The following ST6GALNAC5 variants were observed in gnomAD, a reference collection of about 807,000 sequenced individuals.
ST6GALNAC5 encodes ST6 N-acetylgalactosaminide alpha-2,6-sialyltransferase 5, also known as alpha-N-acetylgalactosaminide alpha-2,6-sialyltransferase 5.
Under a neutral mutation model 33.6 loss-of-function variants are expected in ST6GALNAC5, and 27 were observed. The ratio of observed to expected loss-of-function variants is 0.80; its 90% CI spans 0.59 to 1.11. ST6GALNAC5 has a LOEUF of 1.11. ST6GALNAC5 is among the 50% of genes least tolerant of loss of function. The pLI is 0.00. For missense variants in ST6GALNAC5, 428 were observed against 454.0 expected, an observed-to-expected ratio of 0.94 and a Z score of 0.52; for synonymous variants, 194 against 171.2, an observed-to-expected ratio of 1.13 and a Z score of -1.04.
intron 2 of ST6GALNAC5, among the ~76,000 whole-genome samples, chr1:76,963,047 A>G (rs532242616): frequency 1.3e-5 from 2 of 152,266 alleles, no homozygotes; most frequent in East Asian, 1.9e-4. Context: ...AAATTTGTGC[A>G]TAGGATTACC....
At chr1:76,894,444 G>A (rs1009519194) in intron 2 of ST6GALNAC5, among the ~76,000 whole-genome samples, 3 of 151,950 alleles carry the variant, frequency 2.0e-5, no homozygotes, top group Admixed American at 1.3e-4. Context: ...ATGATGTCAG[G>A]TAGCATGGGA....
At chr1:77,003,923 C>A (rs1418879913) in intron 2 of ST6GALNAC5, among the ~76,000 whole-genome samples, 1 of 132,904 alleles carries the variant, frequency 7.5e-6, no homozygotes, top group African/African-American at 2.8e-5. Context: ...CTGCCCTTAA[C>A]ATTTTTTCCT....
intron 2 of ST6GALNAC5, among the ~76,000 whole-genome samples, chr1:76,875,241 T>C (rs1039663154): frequency 5.9e-5 from 9 of 152,162 alleles, no homozygotes; most frequent in African/African-American, 1.9e-4. Context: ...CAGCAGGTCA[T>C]GGTTTTTTTT....
At chr1:77,047,353 G>A (rs1199549207) in intron 3 of ST6GALNAC5, among the ~76,000 whole-genome samples, 1 of 152,204 alleles carries the variant, frequency 6.6e-6, no homozygotes, top group Non-Finnish European at 1.5e-5. Context: ...AAAACATTTA[G>A]GGTGTAATGG....
At chr1:76,978,680 G>A (rs184495664) in intron 2 of ST6GALNAC5, among the ~76,000 whole-genome samples, 1 of 152,274 alleles carries the variant, frequency 6.6e-6, no homozygotes, top group African/African-American at 2.4e-5. Flanking sequence ...ATACTGAACA[G>A]GGAAAAATTG....
At chr1:77,018,047 C>T (rs1253886125) in intron 2 of ST6GALNAC5, among the ~76,000 whole-genome samples, 1 of 152,108 alleles carries the variant, frequency 6.6e-6, no homozygotes, top group Non-Finnish European at 1.5e-5. Flanking sequence ...CATCAGAGAT[C>T]CTTCATTGGC....
intron 2 of ST6GALNAC5, among the ~76,000 whole-genome samples, chr1:76,986,052 C>T (rs540214125): frequency 1.3e-5 from 2 of 152,234 alleles, no homozygotes; most frequent in East Asian, 3.9e-4. Flanking sequence ...ACCATAAAAA[C>T]CCTAGAAGAA....
At chr1:76,937,195 A>C (rs984132780) in intron 2 of ST6GALNAC5, among the ~76,000 whole-genome samples, 1 of 151,956 alleles carries the variant, frequency 6.6e-6, no homozygotes, top group Admixed American at 6.6e-5. Flanking sequence ...TGTGAAATGC[A>C]AGCCCTAAAC....
intron 3 of ST6GALNAC5, among the ~76,000 whole-genome samples, chr1:77,048,947 C>CG (rs76014444): frequency 0.38 from 58,136 of 151,946 alleles, 11,869 homozygotes; most frequent in African/African-American, 0.52. Flanking sequence ...ATTCAGCCCA[C>CG]TTATTCCCAT....
intron 2 of ST6GALNAC5, among the ~76,000 whole-genome samples, chr1:76,924,491 A>T (rs558263790): frequency 9.0e-4 from 137 of 152,292 alleles, no homozygotes; most frequent in African/African-American, 3.1e-3. Context: ...TTAATGGAGG[A>T]TACCAAGGCA....
intron 2 of ST6GALNAC5, among the ~76,000 whole-genome samples, chr1:76,942,213 C>T (rs910474773): frequency 2.0e-5 from 3 of 152,082 alleles, no homozygotes; most frequent in Admixed American, 2.0e-4. Flanking sequence ...TGTCTTCTAA[C>T]CTGTAACATA....
intron 2 of ST6GALNAC5, among the ~76,000 whole-genome samples, chr1:76,986,883 T>C (rs1043146768): frequency 6.6e-6 from 1 of 152,164 alleles, no homozygotes; most frequent in African/African-American, 2.4e-5. Context: ...TGGATGTGAC[T>C]GGAAACCATC....
chr1:76,950,211 C>T (rs1014895508), intron 2 of ST6GALNAC5, among the ~76,000 whole-genome samples: 1 of 152,166 alleles, frequency 6.6e-6, no homozygotes, highest in African/African-American at 2.4e-5. Context: ...TGACTCCTGA[C>T]TGTTAGGCCA....
At chr1:76,969,116 C>T (rs1004760229) in intron 2 of ST6GALNAC5, among the ~76,000 whole-genome samples, 10 of 152,170 alleles carry the variant, frequency 6.6e-5, no homozygotes, top group Middle Eastern at 3.2e-3. Context: ...GCAGAACACG[C>T]ATGATTACTG....
At chr1:77,022,923 C>G (rs770952921) in intron 2 of ST6GALNAC5, among the ~76,000 whole-genome samples, 1 of 152,132 alleles carries the variant, frequency 6.6e-6, no homozygotes, top group Non-Finnish European at 1.5e-5. Context: ...CAAATTTGTA[C>G]GTGGAAGTCC....
At chr1:77,031,477 C>T (rs1244122151) in intron 2 of ST6GALNAC5, among the ~76,000 whole-genome samples, 4 of 152,110 alleles carry the variant, frequency 2.6e-5, no homozygotes, top group Non-Finnish European at 4.4e-5. Context: ...ACTTTGCAGT[C>T]GTCAGTGTCC....
chr1:77,030,423 A>T (rs796258804), intron 2 of ST6GALNAC5, among the ~76,000 whole-genome samples: 3 of 152,340 alleles, frequency 2.0e-5, no homozygotes, highest in African/African-American at 7.2e-5. Flanking sequence ...GTTAACTGAG[A>T]TGCTAGTAAT....
chr1:77,027,951 G>C (rs1051535159), intron 2 of ST6GALNAC5, among the ~76,000 whole-genome samples: 4 of 152,144 alleles, frequency 2.6e-5, no homozygotes, highest in African/African-American at 7.2e-5. Flanking sequence ...TATCCCTCCT[G>C]AGTAAGTCTT....
At chr1:76,887,077 G>A (rs1043023842) in intron 2 of ST6GALNAC5, among the ~76,000 whole-genome samples, 3 of 152,116 alleles carry the variant, frequency 2.0e-5, no homozygotes, top group Admixed American at 6.6e-5. Context: ...CCACATGGCA[G>A]CACTTGAGTC....
Sources: allele counts gnomAD v4.1 joint callset (sites outside exome capture counted in the v4.1 genomes callset), GRCh38; gene constraint gnomAD v4.1.1; transcripts MANE v1.5; gene names NCBI Gene and HGNC (gene_info 2026-07-23, HGNC 2026-07-21).